GAREM2: variants seen among roughly 807,000 people sequenced by gnomAD.
The protein encoded by GAREM2 is GRB2-associated and regulator of MAPK protein 2.
GAREM2 carries 30 observed loss-of-function variants against 55.6 expected under a neutral mutation model. The ratio of observed to expected loss-of-function variants is 0.54; its 90% CI spans 0.40 to 0.73. The LOEUF is 0.73. Ranked by LOEUF, GAREM2 falls within the 30% of genes least tolerant of loss-of-function variation. The probability of loss-of-function intolerance (pLI) is 0.00; values close to 1 mark genes in which losing one functional copy is unlikely to be tolerated. For missense variants in GAREM2, 1,075 were observed against 1,257.7 expected (o/e 0.85, Z 2.20); for synonymous variants, 550 against 569.1 (o/e 0.97, Z 0.48).
intron 1 of GAREM2, among the ~76,000 whole-genome samples, chr2:26,174,327 T>G (rs949211384): frequency 6.6e-6 from 1 of 152,202 alleles, no homozygotes; most frequent in Non-Finnish European, 1.5e-5. Context: ...GTTCTCTGGC[T>G]CGCGGCCGAG....
chr2:26,186,734 G>C (rs1669271247), intron 5 of GAREM2, among the ~76,000 whole-genome samples: 1 of 152,226 alleles, frequency 6.6e-6, no homozygotes, highest in East Asian at 1.9e-4. Context: ...CCAGCACTTT[G>C]GGAGGCCGAG....
intron 2 of GAREM2, chr2:26,182,545 C>G: frequency 6.6e-7 from 1 of 1,508,318 alleles, no homozygotes; most frequent in Non-Finnish European, 9.0e-7. Context: ...ACCCAGAGGC[C>G]CAGAGAGGGA....
At chr2:26,199,767 G>C in the GAREM2 span, among the ~76,000 whole-genome samples, 1 of 152,024 alleles carries the variant, frequency 6.6e-6, no homozygotes, top group South Asian at 2.1e-4. Flanking sequence ...AAGCTCAGTA[G>C]CTTCTGCTTT....
the GAREM2 span, chr2:26,204,161 G>A: frequency 1.2e-6 from 2 of 1,613,338 alleles, no homozygotes; most frequent in African/African-American, 2.7e-5. Context: ...GGCGATGCCT[G>A]CTCCCATCAG....
rs750870583 is a variant in GAREM2 at position 26,186,270 on chromosome 2, C to G, written c.1510C>G (p.Pro504Ala). 6.4e-7 allele frequency: 1 copy of G among 1,550,572 alleles called. No individual in the cohort carries two copies. Among genetic ancestry groups the G allele is most frequent in the Non-Finnish European group, 8.7e-7 (1 of 1,146,470 alleles). ...TGGCAGCGGCCGGCTCTCCAGCAGC[C>G]CCCCGGTTCCCCCTCGCTTCCCCAA... ...GNGSGRLSSSPPVPPRFPKLQ... is the reference protein window; with the variant it reads ...GNGSGRLSSSAPVPPRFPKLQ... The change falls in exon 5 of 6, where the codon CCC (proline) becomes GCC (alanine). Residue 504 changes from proline to alanine, a missense_variant. Transcript: ENST00000401533.
chr2:26,204,278 A>G, the GAREM2 span: 4 of 1,221,652 alleles, frequency 3.3e-6, no homozygotes, highest in East Asian at 4.6e-5. Context: ...AAGTTATTCA[A>G]TAAACCAACT....
downstream of GAREM2, among the ~76,000 whole-genome samples, chr2:26,190,062 C>A (rs1426978213): frequency 6.6e-6 from 1 of 152,176 alleles, no homozygotes; most frequent in Non-Finnish European, 1.5e-5. Context: ...GATCAGCTCC[C>A]TACTCTGGTC....
the GAREM2 span, among the ~76,000 whole-genome samples, chr2:26,202,694 T>C: frequency 2.0e-5 from 3 of 152,206 alleles, no homozygotes; most frequent in Non-Finnish European, 4.4e-5. Context: ...TGAGCCAAGA[T>C]TGCACCATTG....
chr2:26,185,314 C>T, intron 4 of GAREM2, 38 bp downstream of exon 4: 1 of 1,475,256 alleles, frequency 6.8e-7, no homozygotes, highest in Non-Finnish European at 8.9e-7. Flanking sequence ...CCGGGTCCAG[C>T]CAGGGCCCAA....
intron 4 of GAREM2, 116 bp downstream of exon 4, chr2:26,185,392 G>C: frequency 1.5e-6 from 2 of 1,368,022 alleles, no homozygotes; most frequent in Non-Finnish European, 1.9e-6. Flanking sequence ...GCGGGGTGGG[G>C]AAGGGGAGAA....
chr2:26,173,438 C>A, intron 1 of GAREM2, 106 bp downstream of exon 1: 1 of 551,964 alleles, frequency 1.8e-6, no homozygotes, highest in Non-Finnish European at 2.7e-6. Context: ...CGCACCCTCC[C>A]AGCTCCCCGG....
chr2:26,180,317 G>A (rs1275981948), intron 2 of GAREM2, among the ~76,000 whole-genome samples: 1 of 152,178 alleles, frequency 6.6e-6, no homozygotes, highest in East Asian at 1.9e-4. Flanking sequence ...ACACACAATT[G>A]TGTGTGTGTT....
At chr2:26,201,245 C>A in the GAREM2 span, 1 of 1,612,120 alleles carries the variant, frequency 6.2e-7, no homozygotes, top group Non-Finnish European at 8.5e-7. Flanking sequence ...GGTAATCAAG[C>A]TGCCCAGTCA....
downstream of GAREM2, chr2:26,193,735 G>C (rs1669580304): frequency 6.2e-7 from 1 of 1,614,186 alleles, no homozygotes; most frequent in Non-Finnish European, 8.5e-7. Context: ...GCCAAAGCTT[G>C]TGGTCAGGGA....
At position 26,176,470 on chromosome 2, in the gene GAREM2, C is replaced by T; in HGVS notation, c.239C>T (p.Pro80Leu). The change falls in exon 2 of 6, where the codon CCC (proline) becomes CTC (leucine). Residue 80 changes from proline to leucine, a missense_variant. Pro to Leu is a moderately conservative substitution (Grantham distance 98, BLOSUM62 -3). This residue lies in a region of GAREM2 where 230 missense variants were observed against 310.6 expected (regional missense o/e 0.74). Coordinates refer to ENST00000401533, the MANE Select transcript of GAREM2 (RefSeq NM_001168241.2). ...GTCATCGGGCCCAAGATCGACATCC[C>T]CCTGCAGTACCCAGGTGTGTCCAGC... ...HYVIGPKIDI[P>L]LQYPGKFKLL... The T allele has an allele frequency of 1.3e-6, 2 of 1,547,596 alleles. No individual in the cohort carries two copies. Among genetic ancestry groups the T allele is most frequent in the Non-Finnish European group, 1.7e-6 (2 of 1,144,638 alleles).
chr2:26,198,754 AATC>A, the GAREM2 span, among the ~76,000 whole-genome samples: 1 of 152,154 alleles, frequency 6.6e-6, no homozygotes, highest in South Asian at 2.1e-4. Flanking sequence ...GATTTTAGTT[AATC>A]AAGAGTGGAG....
chr2:26,175,584 G>A (rs1187607434), intron 1 of GAREM2, among the ~76,000 whole-genome samples: 1 of 152,168 alleles, frequency 6.6e-6, no homozygotes, highest in Non-Finnish European at 1.5e-5. Flanking sequence ...AAGGCAGTGG[G>A]TGGCTTCTCT....
At chr2:26,187,204 T>C (rs1669291669) in intron 5 of GAREM2, 27 bp from the exon 6 acceptor site, 3 of 1,432,866 alleles carry the variant, frequency 2.1e-6, no homozygotes, top group Admixed American at 3.0e-5. Flanking sequence ...ACCTGTCCTA[T>C]GTGTGTGTGT....
At chr2:26,193,918 T>G (rs1352011152), downstream of GAREM2, 4 of 667,578 alleles carry the variant, frequency 6.0e-6, no homozygotes, top group African/African-American at 1.8e-5. Flanking sequence ...GCTATTTCAT[T>G]CAGGGAAGCA....
Sources: allele counts gnomAD v4.1 joint callset (sites outside exome capture counted in the v4.1 genomes callset), GRCh38; gene constraint gnomAD v4.1.1; regional missense constraint gnomAD v4.1.1; transcripts MANE v1.5; gene names NCBI Gene and HGNC (gene_info 2026-07-23, HGNC 2026-07-21).